SGCD: variants seen among roughly 807,000 people sequenced by gnomAD.
The protein encoded by SGCD is delta-sarcoglycan.
Under a neutral mutation model 36.6 loss-of-function variants are expected in SGCD, and 18 were observed. The observed-to-expected ratio is 0.49, with a 90% confidence interval of 0.34 to 0.73. The LOEUF is 0.73. SGCD is among the 30% of genes least tolerant of loss of function. SGCD has a pLI of 0.01. For synonymous variants in SGCD, 133 were observed against 130.6 expected, an observed-to-expected ratio of 1.02 and a Z score of -0.12; for missense variants, 387 against 346.7, an observed-to-expected ratio of 1.12 and a Z score of -0.92.
intron 7 of SGCD, among the ~76,000 whole-genome samples, chr5:156,673,715 C>A (rs1032800495): frequency 6.6e-6 from 1 of 152,198 alleles, no homozygotes; most frequent in Non-Finnish European, 1.5e-5. Context: ...AATTCAGGGT[C>A]TTAAAAATGT....
At chr5:155,905,432 G>T (rs1756484605) in intron 1 of SGCD, among the ~76,000 whole-genome samples, 1 of 152,110 alleles carries the variant, frequency 6.6e-6, no homozygotes, top group Non-Finnish European at 1.5e-5. Flanking sequence ...TTAGAAAGAG[G>T]ATGGTCTTAG....
At chr5:155,897,401 G>C (rs1756288983) in intron 1 of SGCD, among the ~76,000 whole-genome samples, 1 of 152,106 alleles carries the variant, frequency 6.6e-6, no homozygotes. Context: ...GAATGTGAAG[G>C]CCTAAGACAT....
intron 6 of SGCD, among the ~76,000 whole-genome samples, chr5:156,610,439 G>T (rs1464381109): frequency 1.3e-5 from 2 of 152,192 alleles, no homozygotes; most frequent in Non-Finnish European, 2.9e-5. Flanking sequence ...TGTGTGAGGT[G>T]TTTGTCTGCC....
At chr5:156,545,978 G>A (rs753636871) in intron 4 of SGCD, among the ~76,000 whole-genome samples, 2 of 152,196 alleles carry the variant, frequency 1.3e-5, no homozygotes, top group Middle Eastern at 3.4e-3. Context: ...TTTGAAAAAC[G>A]GCAGCATTAG....
chr5:156,189,539 C>T (rs1035044196), intron 3 of SGCD, among the ~76,000 whole-genome samples: 3 of 151,896 alleles, frequency 2.0e-5, no homozygotes, highest in Admixed American at 6.6e-5. Flanking sequence ...TTGTAAAAAG[C>T]GATAAAGGGA....
intron 1 of SGCD, among the ~76,000 whole-genome samples, chr5:156,056,645 TAAAA>T (rs561328077): frequency 4.4e-5 from 3 of 68,280 alleles, no homozygotes; most frequent in African/African-American, 2.1e-4. Context: ...AAATTATCCT[TAAAA>T]AAAAAAAAAA....
the SGCD span, among the ~76,000 whole-genome samples, chr5:155,837,337 T>C: frequency 1.3e-5 from 2 of 152,002 alleles, no homozygotes; most frequent in Admixed American, 6.6e-5. Context: ...TTTGTATTTT[T>C]AGTAGAGATG....
chr5:156,147,820 G>T (rs1420057277), intron 3 of SGCD, among the ~76,000 whole-genome samples: 2 of 152,180 alleles, frequency 1.3e-5, no homozygotes, highest in Admixed American at 6.5e-5. Context: ...GTTAAAGGAA[G>T]TGGAACTCAT....
chr5:155,852,384 A>G, the SGCD span, among the ~76,000 whole-genome samples: 4 of 152,300 alleles, frequency 2.6e-5, no homozygotes, highest in East Asian at 1.9e-4. Flanking sequence ...GTGTGTGCAG[A>G]TAAGGTCTTT....
intron 3 of SGCD, among the ~76,000 whole-genome samples, chr5:156,495,538 G>T (rs1332007937): frequency 2.0e-5 from 3 of 152,134 alleles, no homozygotes; most frequent in Non-Finnish European, 4.4e-5. Context: ...CTCCCTTGGG[G>T]TACATACCCC....
At chr5:155,799,160 T>C in the SGCD span, among the ~76,000 whole-genome samples, 1 of 152,184 alleles carries the variant, frequency 6.6e-6, no homozygotes, top group East Asian at 1.9e-4. Context: ...TAACAAATGA[T>C]TCACATATCT....
At chr5:155,870,879 T>G (rs1350131555) in intron 1 of SGCD, among the ~76,000 whole-genome samples, 1 of 152,224 alleles carries the variant, frequency 6.6e-6, no homozygotes, top group East Asian at 1.9e-4. Context: ...GATCGTTATT[T>G]CAGCTTATCA....
chr5:156,589,383 G>A (rs186583378), intron 5 of SGCD, 65 bp downstream of exon 5: 2 of 873,822 alleles, frequency 2.3e-6, no homozygotes, highest in African/African-American at 1.7e-5. Flanking sequence ...AGAATTAATG[G>A]TCAAAGGAAA....
At chr5:156,332,444 A>G (rs1290421718) in intron 2 of SGCD, among the ~76,000 whole-genome samples, 1 of 152,112 alleles carries the variant, frequency 6.6e-6, no homozygotes, top group Admixed American at 6.5e-5. Context: ...TACCTCATTC[A>G]TTGACCCCGC....
rs528354787 is a variant in SGCD, at chr5:156,308,402, C to G, written c.-43-21132C>G. Among the ~76,000 whole-genome samples, 3 of 152,008 alleles carry G rather than the reference C, an allele frequency of 2.0e-5. No homozygotes were observed. The East Asian group carries it at 5.8e-4, about 30-fold the overall frequency. On this transcript the variant is annotated intron_variant, in intron 3 of 9. Coordinates refer to the SGCD transcript ENST00000517913. ...AAAGCTCCGCCTCCCGGGTTCACGCCATTCTGCTGCCTCAGCCTCCCGAGT... is the reference window on the plus strand; with the variant it reads ...AAAGCTCCGCCTCCCGGGTTCACGCGATTCTGCTGCCTCAGCCTCCCGAGT...
the SGCD span, among the ~76,000 whole-genome samples, chr5:155,778,190 T>C: frequency 1.3e-5 from 2 of 152,194 alleles, no homozygotes; most frequent in Non-Finnish European, 2.9e-5. Context: ...ATAATGCACA[T>C]GGTAAACTGG....
chr5:155,868,453 G>A (rs1348674965), upstream of SGCD, among the ~76,000 whole-genome samples: 1 of 142,006 alleles, frequency 7.0e-6, no homozygotes, highest in East Asian at 2.1e-4. Flanking sequence ...CAATCCTCTT[G>A]CCTCAGACTC....
chr5:155,788,667 G>A, the SGCD span, among the ~76,000 whole-genome samples: 1 of 152,118 alleles, frequency 6.6e-6, no homozygotes, highest in Admixed American at 6.6e-5. Flanking sequence ...TGCAATTAAA[G>A]TATTGCCTTT....
chr5:156,573,267 G>A (rs1322202055), intron 4 of SGCD, among the ~76,000 whole-genome samples: 9 of 152,270 alleles, frequency 5.9e-5, no homozygotes, highest in African/African-American at 2.2e-4. Context: ...TCCAGGTCAG[G>A]TTCTGCATGA....
Sources: allele counts gnomAD v4.1 joint callset (sites outside exome capture counted in the v4.1 genomes callset), GRCh38; gene constraint gnomAD v4.1.1; transcripts MANE v1.5; gene names NCBI Gene and HGNC (gene_info 2026-07-23, HGNC 2026-07-21).